TBC1D22A: variants seen among roughly 807,000 people sequenced by gnomAD.
The protein encoded by TBC1D22A is putative GTPase activator.
TBC1D22A carries 38 observed loss-of-function variants against 60.2 expected under a neutral mutation model. That is an observed-to-expected ratio of 0.63 (90% CI 0.49 to 0.83). TBC1D22A has a LOEUF of 0.83. Ranked by LOEUF, TBC1D22A falls within the 40% of genes least tolerant of loss-of-function variation. TBC1D22A has a pLI of 0.00. For synonymous variants in TBC1D22A, 302 were observed against 281.7 expected (o/e 1.07, Z -0.72); for missense variants, 628 against 701.0 (o/e 0.90, Z 1.18).
At chr22:46,765,778 C>CT (rs61163963) in intron 1 of TBC1D22A, among the ~76,000 whole-genome samples, 3,176 of 131,042 alleles carry the variant, frequency 0.024, 60 homozygotes, top group Non-Finnish European at 0.035. Flanking sequence ...TGTTTTCCTC[C>CT]TTTTTTTTTT....
rs375120148 is a variant in TBC1D22A, at chr22:47,143,146, GTCTC to G, written c.1426-30343_1426-30340del. ...AGGACCTTTTCTCCTGGAAGCCCCC[GTCTC>G]TCTCTCTCCCAGAAGGGGAATCATC... On this transcript the variant is annotated intron_variant, in intron 12 of 12. Transcript: ENST00000337137. 4.6e-5 allele frequency among the ~76,000 whole-genome samples: 7 copies of G among 151,962 alleles called. No homozygotes were observed. In the East Asian group the frequency reaches 1.2e-3, roughly 26 times the overall value.
At chr22:47,029,487 A>AC (rs141266067) in intron 10 of TBC1D22A, among the ~76,000 whole-genome samples, 4,756 of 152,062 alleles carry the variant, frequency 0.031, 104 homozygotes, top group African/African-American at 0.058. Context: ...TCAGTGCCCA[A>AC]CCTCCCTCCT....
intron 8 of TBC1D22A, chr22:46,915,603 T>C (rs1309383155): frequency 2.2e-6 from 1 of 456,598 alleles, no homozygotes; most frequent in East Asian, 6.9e-5. Context: ...TCCTCTTTTC[T>C]TTGAAGTACA....
chr22:46,898,379 C>T lies in TBC1D22A; in HGVS notation c.900+3533C>T, dbSNP rs143791605. 2.6e-5 allele frequency among the ~76,000 whole-genome samples: 4 copies of T among 152,296 alleles called. No homozygotes were observed. The East Asian group carries it at 5.8e-4, about 22-fold the overall frequency. ...TTTATTTGCCAAAGTTAAGGACACA[C>T]GCCTGGGAGACAGGTCTATGTCTTT... On this transcript the variant is annotated intron_variant, in intron 7 of 12. Transcript: ENST00000337137.
chr22:47,012,319 C>A (rs1255780500), intron 10 of TBC1D22A, among the ~76,000 whole-genome samples: 1 of 152,128 alleles, frequency 6.6e-6, no homozygotes, highest in Non-Finnish European at 1.5e-5. Context: ...GGGCTCACAT[C>A]CCCCCAGCCC....
At chr22:47,086,918 T>A (rs1236127826) in intron 11 of TBC1D22A, among the ~76,000 whole-genome samples, 1 of 152,266 alleles carries the variant, frequency 6.6e-6, no homozygotes, top group Admixed American at 6.5e-5. Flanking sequence ...ATCGTAGCAC[T>A]GTTTGCAGTA....
intron 12 of TBC1D22A, among the ~76,000 whole-genome samples, chr22:47,117,625 C>T (rs750628454): frequency 7.9e-5 from 12 of 152,272 alleles, no homozygotes; most frequent in African/African-American, 2.6e-4. Context: ...GGTCTGGCAG[C>T]GGCCGCAGGA....
intron 11 of TBC1D22A, among the ~76,000 whole-genome samples, chr22:47,060,587 C>G (rs1406333618): frequency 6.6e-6 from 1 of 152,168 alleles, no homozygotes; most frequent in Admixed American, 6.5e-5. Flanking sequence ...CCTGCCACCA[C>G]GCCCACCTAA....
intron 11 of TBC1D22A, among the ~76,000 whole-genome samples, chr22:47,090,340 A>G: frequency 7.0e-6 from 1 of 142,544 alleles, no homozygotes; most frequent in African/African-American, 2.6e-5. Context: ...GCGCTCAGAC[A>G]GACGGGGCGT....
At chr22:47,114,287 G>A (rs1453350786) in intron 12 of TBC1D22A, among the ~76,000 whole-genome samples, 1 of 152,056 alleles carries the variant, frequency 6.6e-6, no homozygotes, top group Non-Finnish European at 1.5e-5. Flanking sequence ...GGTGTGGGGT[G>A]GAGTGCACAC....
chr22:46,936,903 T>C (rs1034749732), intron 8 of TBC1D22A, among the ~76,000 whole-genome samples: 1 of 152,132 alleles, frequency 6.6e-6, no homozygotes, highest in African/African-American at 2.4e-5. Context: ...ATGAGACTAG[T>C]CTTGGGGACT....
intron 11 of TBC1D22A, among the ~76,000 whole-genome samples, chr22:47,094,698 T>TTA (rs1294158973): frequency 1.3e-5 from 2 of 152,174 alleles, no homozygotes; most frequent in African/African-American, 4.8e-5. Context: ...TCAGTATAGT[T>TTA]TATGTCTTTC....
chr22:46,949,172 A>G (rs905661372), intron 8 of TBC1D22A, among the ~76,000 whole-genome samples: 2 of 152,060 alleles, frequency 1.3e-5, no homozygotes, highest in Non-Finnish European at 2.9e-5. Context: ...TCCATTTTTG[A>G]GTCCTGTCTT....
chr22:47,151,853 G>A (rs189427322), intron 12 of TBC1D22A, among the ~76,000 whole-genome samples: 7 of 152,366 alleles, frequency 4.6e-5, no homozygotes, highest in East Asian at 3.9e-4. Flanking sequence ...GGACCCCTTC[G>A]CGGTGTGGAC....
chr22:47,075,769 A>G (rs1455022197), intron 11 of TBC1D22A, among the ~76,000 whole-genome samples: 3 of 152,212 alleles, frequency 2.0e-5, no homozygotes, highest in African/African-American at 7.2e-5. Context: ...TTTGAAAACT[A>G]AAATCCAACT....
chr22:46,844,763 G>C lies in TBC1D22A; in HGVS notation c.638-33890G>C, dbSNP rs1170342493. Reference sequence around the variant, plus strand: ...ACTTGCAGGCATCATAGCAGTTGACGGTCTGAGCACAGTGAGGCTGGCCTG... The same window carrying C: ...ACTTGCAGGCATCATAGCAGTTGACCGTCTGAGCACAGTGAGGCTGGCCTG... On this transcript the variant is annotated intron_variant, in intron 4 of 12. Coordinates refer to ENST00000337137, the MANE Select transcript of TBC1D22A (RefSeq NM_014346.5). 5.3e-5 allele frequency among the ~76,000 whole-genome samples: 8 copies of C among 152,272 alleles called. 1 individual carries two copies. In the South Asian group the frequency reaches 1.7e-3, roughly 32 times the overall value.
chr22:46,902,611 C>T (rs1409243223), intron 7 of TBC1D22A, among the ~76,000 whole-genome samples: 1 of 152,256 alleles, frequency 6.6e-6, no homozygotes, highest in Non-Finnish European at 1.5e-5. Flanking sequence ...TGGGACAGAG[C>T]CCCGCTGTGT....
intron 11 of TBC1D22A, among the ~76,000 whole-genome samples, chr22:47,096,678 C>T (rs893658480): frequency 6.6e-5 from 10 of 152,044 alleles, no homozygotes; most frequent in East Asian, 3.9e-4. Flanking sequence ...AAAAATTAGC[C>T]GGGTGTAGTG....
intron 8 of TBC1D22A, chr22:46,913,222 A>G (rs1320088427): frequency 3.1e-6 from 2 of 651,644 alleles, no homozygotes; most frequent in Admixed American, 3.3e-5. Flanking sequence ...CATAAATAGG[A>G]AAGAGGGGAC....
Sources: allele counts gnomAD v4.1 joint callset (sites outside exome capture counted in the v4.1 genomes callset), GRCh38; gene constraint gnomAD v4.1.1; transcripts MANE v1.5; gene names NCBI Gene and HGNC (gene_info 2026-07-23, HGNC 2026-07-21).